The following DPP6 variants were observed in gnomAD, a reference collection of about 807,000 sequenced individuals.
DPP6 encodes A-type potassium channel modulatory protein DPP6.
In DPP6, 69 loss-of-function variants were observed where a neutral mutation model predicts 122.6. The ratio of observed to expected loss-of-function variants is 0.56; its 90% confidence interval spans 0.46 to 0.69. The LOEUF (loss-of-function observed/expected upper bound fraction) is 0.69. Ranked by LOEUF, DPP6 falls within the 30% of genes least tolerant of loss-of-function variation. DPP6 has a pLI of 0.00. For missense variants in DPP6, 928 were observed against 1,116.9 expected, an observed-to-expected ratio of 0.83 and a Z score of 2.41; for synonymous variants, 418 against 433.1, an observed-to-expected ratio of 0.97 and a Z score of 0.43.
intron 1 of DPP6, among the ~76,000 whole-genome samples, chr7:154,174,090 C>A (rs1403365491): frequency 6.6e-6 from 1 of 152,184 alleles, no homozygotes; most frequent in Non-Finnish European, 1.5e-5. Context: ...TTTTCCTTTT[C>A]TATTTACAGT....
chr7:153,910,747 C>T (rs939249725), intron 1 of DPP6, among the ~76,000 whole-genome samples: 2 of 152,154 alleles, frequency 1.3e-5, no homozygotes, highest in African/African-American at 4.8e-5. Context: ...AACCATTGTT[C>T]ATCCTAATAT....
chr7:154,013,086 G>A (rs1214562195), intron 1 of DPP6, among the ~76,000 whole-genome samples: 1 of 152,170 alleles, frequency 6.6e-6, no homozygotes, highest in African/African-American at 2.4e-5. Context: ...GATAGTCTCT[G>A]CCTCTCCCAG....
intron 1 of DPP6, among the ~76,000 whole-genome samples, chr7:153,927,323 G>A (rs1287883621): frequency 2.0e-5 from 3 of 152,146 alleles, no homozygotes; most frequent in African/African-American, 7.2e-5. Flanking sequence ...TAAAATCAAT[G>A]AGTAAATAAA....
At chr7:154,714,461 T>C (rs1841366498) in intron 7 of DPP6, among the ~76,000 whole-genome samples, 1 of 152,232 alleles carries the variant, frequency 6.6e-6, no homozygotes, top group Non-Finnish European at 1.5e-5. Context: ...CTCACGGTTC[T>C]GCATGGCTAG....
At chr7:153,781,667 G>T in the DPP6 span, among the ~76,000 whole-genome samples, 1 of 152,050 alleles carries the variant, frequency 6.6e-6, no homozygotes, top group African/African-American at 2.4e-5. Flanking sequence ...CCTTTATATT[G>T]ATGAGATGCA....
chr7:154,695,513 T>A (rs73730237), intron 7 of DPP6, among the ~76,000 whole-genome samples: 1,528 of 152,310 alleles, frequency 0.01, 31 homozygotes, highest in African/African-American at 0.035. Flanking sequence ...GAGAATTGTA[T>A]GAAATGATTG....
intron 1 of DPP6, among the ~76,000 whole-genome samples, chr7:154,139,595 G>A (rs995142210): frequency 1.3e-5 from 2 of 151,906 alleles, no homozygotes; most frequent in African/African-American, 4.8e-5. Context: ...AGCCATCGCA[G>A]TGGGTCAGGG....
chr7:154,060,275 G>A (rs1428579833), intron 1 of DPP6, among the ~76,000 whole-genome samples: 1 of 130,340 alleles, frequency 7.7e-6, no homozygotes. Context: ...CGCGAGGCAG[G>A]GACTGAGAGG....
intron 3 of DPP6, among the ~76,000 whole-genome samples, chr7:154,508,317 G>A (rs1034080046): frequency 6.6e-6 from 1 of 152,122 alleles, no homozygotes; most frequent in Non-Finnish European, 1.5e-5. Context: ...TGCAATTAAT[G>A]AGGATGAGCC....
intron 1 of DPP6, among the ~76,000 whole-genome samples, chr7:154,250,306 G>A (rs1367372155): frequency 3.3e-5 from 5 of 152,050 alleles, no homozygotes; most frequent in Non-Finnish European, 2.9e-5. Flanking sequence ...CTACAGATGG[G>A]CAGCCTTGGT....
At chr7:154,326,718 T>C (rs1035097) in intron 1 of DPP6, among the ~76,000 whole-genome samples, 135,750 of 152,260 alleles carry the variant, frequency 0.89, 60,736 homozygotes, top group African/African-American at 0.97. Flanking sequence ...AGAAATAATA[T>C]CAGTTGGTTT....
At chr7:153,882,662 A>G (rs968175822), upstream of DPP6, among the ~76,000 whole-genome samples, 2 of 152,232 alleles carry the variant, frequency 1.3e-5, no homozygotes, top group Admixed American at 1.3e-4. Flanking sequence ...CTGCATTGTG[A>G]TAGGTGTGGA....
chr7:154,623,642 C>T lies in DPP6; in HGVS notation c.628-14179C>T, dbSNP rs558171903. Among the ~76,000 whole-genome samples the T allele has an allele frequency of 1.9e-4, 27 of 145,538 alleles. No individual in the cohort carries two copies. The East Asian group carries it at 4.1e-3, about 22-fold the overall frequency. ...ACACGCGCACACATGCGTGCACACA[C>T]GCGCACACACGCGCACACACACGCA... On this transcript the variant is annotated intron_variant, in intron 5 of 25. Transcript: ENST00000377770.
chr7:154,320,540 G>A (rs1807858939), intron 1 of DPP6, among the ~76,000 whole-genome samples: 1 of 152,090 alleles, frequency 6.6e-6, no homozygotes, highest in Admixed American at 6.6e-5. Context: ...TCGGAGTGCA[G>A]CAGTGCGATC....
At chr7:154,276,699 A>G (rs757611493) in intron 1 of DPP6, among the ~76,000 whole-genome samples, 4 of 152,200 alleles carry the variant, frequency 2.6e-5, no homozygotes, top group Non-Finnish European at 4.4e-5. Flanking sequence ...GGTTGCCACA[A>G]AGGCAGAATT....
intron 1 of DPP6, among the ~76,000 whole-genome samples, chr7:154,031,075 C>G (rs1425238827): frequency 1.3e-5 from 2 of 152,008 alleles, no homozygotes; most frequent in African/African-American, 4.8e-5. Context: ...TGGCTATTAC[C>G]TCTCCCTGGC....
At chr7:154,033,972 A>G (rs1327993299) in intron 1 of DPP6, among the ~76,000 whole-genome samples, 1 of 152,222 alleles carries the variant, frequency 6.6e-6, no homozygotes, top group African/African-American at 2.4e-5. Context: ...ACGTGTTTAT[A>G]GAGATTAACA....
intron 10 of DPP6, among the ~76,000 whole-genome samples, chr7:154,785,186 G>A (rs1797267014): frequency 6.6e-6 from 1 of 151,994 alleles, no homozygotes; most frequent in South Asian, 2.1e-4. Flanking sequence ...TCAAAGTATT[G>A]CATATTAGTG....
chr7:154,192,252 C>A (rs1023248838), intron 1 of DPP6, among the ~76,000 whole-genome samples: 1 of 152,204 alleles, frequency 6.6e-6, no homozygotes, highest in African/African-American at 2.4e-5. Flanking sequence ...AATTGTACAA[C>A]GTCTTGATAG....
Sources: allele counts gnomAD v4.1 joint callset (sites outside exome capture counted in the v4.1 genomes callset), GRCh38; gene constraint gnomAD v4.1.1; transcripts MANE v1.5; gene names NCBI Gene and HGNC (gene_info 2026-07-23, HGNC 2026-07-21).